The following HPS5 variants were observed in gnomAD, a reference collection of about 807,000 sequenced individuals.
The protein encoded by HPS5 is BLOC-2 complex member HPS5.
HPS5 carries 83 observed loss-of-function variants against 128.0 expected under a neutral mutation model. That is an observed-to-expected ratio of 0.65 (90% confidence interval 0.54 to 0.78). The LOEUF (loss-of-function observed/expected upper bound fraction) is 0.78, where lower values mean the gene tolerates loss of function less well. Ranked by LOEUF, HPS5 falls within the 30% of genes least tolerant of loss-of-function variation. HPS5 has a pLI of 0.00. For synonymous variants in HPS5, 475 were observed against 470.2 expected (o/e 1.01, Z -0.13); for missense variants, 1,281 against 1,326.2 (o/e 0.97, Z 0.53).
At position 18,311,511 on chromosome 11, in the gene HPS5, A is replaced by T. The variant is rs202173667; in HGVS notation, c.220-60T>A. The T allele has an allele frequency of 0.045, 23,726 of 530,700 alleles. 797 individuals are homozygous for T. Among genetic ancestry groups the T allele is most frequent in the African/African-American group, 0.099 (4,400 of 44,578 alleles). The allele number at this position is 530,700 out of a possible 1,614,324, so 32.9% of individuals were successfully genotyped here. A position where few individuals can be genotyped will look rare whatever the true frequency, so the allele number is the denominator to read the frequency against. ...CAAGTTTTACATTATTATTATTATT[A>T]TTTTTTTTTTTTTTTTTGAGACTGA... On this transcript the variant is annotated intron_variant, in intron 3 of 22. Coordinates refer to ENST00000349215, the MANE Select transcript of HPS5 (RefSeq NM_181507.2).
intron 5 of HPS5, 112 bp downstream of exon 5, chr11:18,310,629 G>A (rs1314304239): frequency 8.8e-6 from 8 of 908,542 alleles, no homozygotes; most frequent in African/African-American, 5.0e-5. Context: ...TTTGGACTCC[G>A]GATTAGTCTC....
intron 2 of HPS5, among the ~76,000 whole-genome samples, chr11:18,312,962 G>GA (rs917470096): frequency 2.0e-5 from 3 of 152,172 alleles, no homozygotes; most frequent in Admixed American, 1.3e-4. Flanking sequence ...ATTTGCAGCT[G>GA]AAAAAATGTC....
chr11:18,292,049 T>C, intron 15 of HPS5, 30 bp from the exon 16 acceptor site: 4 of 1,542,038 alleles, frequency 2.6e-6, no homozygotes, highest in Non-Finnish European at 3.6e-6. Flanking sequence ...ATGAAATTCA[T>C]GTGTCATGTG....
At chr11:18,311,837 G>A in intron 3 of HPS5, 77 bp downstream of exon 3, 3 of 1,014,534 alleles carry the variant, frequency 3.0e-6, no homozygotes, top group Non-Finnish European at 4.7e-6. Flanking sequence ...TATTCCAAAT[G>A]ATTATTTATA....
At chr11:18,288,059 G>A in intron 16 of HPS5, 46 bp from the exon 17 acceptor site, 1 of 1,604,040 alleles carries the variant, frequency 6.2e-7, no homozygotes, top group Non-Finnish European at 8.5e-7. Context: ...CTCTTAGGCG[G>A]AAATATTCAA....
At chr11:18,306,998 A>C (rs1364663034) in intron 6 of HPS5, among the ~76,000 whole-genome samples, 1 of 140,224 alleles carries the variant, frequency 7.1e-6, no homozygotes, top group African/African-American at 2.6e-5. Flanking sequence ...CCTCCTCAGA[A>C]ACTTATCATT....
intron 14 of HPS5, among the ~76,000 whole-genome samples, 200 bp downstream of exon 14, chr11:18,294,820 T>C (rs1860853524): frequency 6.7e-6 from 1 of 150,164 alleles, no homozygotes; most frequent in South Asian, 2.1e-4. Flanking sequence ...TAACAATAGC[T>C]GATGAGCTAT....
chr11:18,317,541 C>T (rs1325880436), intron 2 of HPS5, among the ~76,000 whole-genome samples: 2 of 152,162 alleles, frequency 1.3e-5, no homozygotes, highest in African/African-American at 4.8e-5. Context: ...CAGGTGTGAG[C>T]CACCACGCCC....
At chr11:18,309,854 T>A (rs542521735) in intron 5 of HPS5, among the ~76,000 whole-genome samples, 1 of 152,072 alleles carries the variant, frequency 6.6e-6, no homozygotes, top group East Asian at 1.9e-4. Context: ...TTTTAAAAAT[T>A]AGCCAGGCGT....
At chr11:18,311,272 T>C (rs968838492) in intron 4 of HPS5, 115 bp downstream of exon 4, 21 of 770,662 alleles carry the variant, frequency 2.7e-5, no homozygotes, top group Non-Finnish European at 4.7e-5. Context: ...GGAGTTTCAC[T>C]GTTAAAACCG....
At position 18,289,322 on chromosome 11, in the gene HPS5, G is replaced by C. The variant is rs114907445; in HGVS notation, c.2441-1309C>G. Among the ~76,000 whole-genome samples, 220 of 152,276 alleles carry C rather than the reference G, an allele frequency of 1.4e-3. 1 individual carries two copies. Among genetic ancestry groups the C allele is most frequent in the African/African-American group, 5.2e-3 (218 of 41,550 alleles). ...TGATGACTGCGCGGGAGCTAAACCA[G>C]ACATATCCACCTAAATTCAAGTAAG... On this transcript the variant is annotated intron_variant, in intron 16 of 22. Transcript: ENST00000349215.
chr11:18,302,365 C>G (rs1256914110), intron 8 of HPS5, among the ~76,000 whole-genome samples: 1 of 152,190 alleles, frequency 6.6e-6, no homozygotes, highest in Non-Finnish European at 1.5e-5. Flanking sequence ...CTAGCCACCT[C>G]TCAAGGATCA....
rs1490759456 is a variant in HPS5 at position 18,298,806 on chromosome 11, C to A, written c.1150G>T (p.Val384Phe). The change falls in exon 10 of 23, where the codon GTC becomes TTC. Residue 384 changes from valine (V) to phenylalanine (F), a missense_variant. Coordinates refer to ENST00000349215, the MANE Select transcript of HPS5 (RefSeq NM_181507.2). ...CTCTGACTCACTCTGCTGGCAATGA[C>A]AGAATTTTGGAAAAGACAGCATGTA... Reference protein sequence around the residue: ...ARTCCLFQNSVIASRARKTLT... With the variant: ...ARTCCLFQNSFIASRARKTLT... 6.2e-7 allele frequency: 1 copy of A among 1,614,140 alleles called. No homozygotes were observed. The highest frequency in any genetic ancestry group is 2.2e-5 in the East Asian group (1 of 44,878).
rs764567111 is a variant in HPS5 at position 18,287,566 on chromosome 11, T to C, written c.2686A>G (p.Ser896Gly). ...HPAEFLAYLD[S>G]LVKSRPEDQR... ...TCTTCAGGCCTTGATTTCACCAGAC[T>C]GTCTAAATAGGCCAAAAACTCAGCA... Residue 896 changes from serine to glycine, a missense_variant, in exon 18 of 23, where the codon AGT becomes GGT. Coordinates refer to ENST00000349215, the MANE Select transcript of HPS5 (RefSeq NM_181507.2). 2 of 1,614,184 alleles carry C rather than the reference T, an allele frequency of 1.2e-6. No homozygotes were observed. The highest frequency in any genetic ancestry group is 1.7e-6 in the Non-Finnish European group (2 of 1,180,030).
At chr11:18,306,678 CCTA>C (rs1862411332) in intron 6 of HPS5, among the ~76,000 whole-genome samples, 1 of 152,196 alleles carries the variant, frequency 6.6e-6, no homozygotes, top group African/African-American at 2.4e-5. Context: ...ATCCTTGAAT[CCTA>C]CTAATTGCTT....
chr11:18,321,360 C>T (rs1042404762), intron 1 of HPS5, among the ~76,000 whole-genome samples: 3 of 152,120 alleles, frequency 2.0e-5, no homozygotes, highest in Non-Finnish European at 1.5e-5. Context: ...GGAATCTTCC[C>T]CCATTTACCA....
At chr11:18,320,577 C>G (rs1864204277) in intron 1 of HPS5, among the ~76,000 whole-genome samples, 1 of 152,212 alleles carries the variant, frequency 6.6e-6, no homozygotes, top group Non-Finnish European at 1.5e-5. Context: ...CTGTCTCTTT[C>G]CAAAACAATC....
chr11:18,286,808 A>G, intron 18 of HPS5, 98 bp from the exon 19 acceptor site: 1 of 1,453,930 alleles, frequency 6.9e-7, no homozygotes, highest in Admixed American at 1.8e-5. Context: ...AGAGATGAAT[A>G]TAGAAGAAGA....
intron 8 of HPS5, 32 bp downstream of exon 8, chr11:18,305,389 TC>T (rs771161257): frequency 1.8e-5 from 25 of 1,372,362 alleles, no homozygotes; most frequent in South Asian, 5.9e-5. Flanking sequence ...GTATTCTTTT[TC>T]CCCCCCAGAA....
Sources: gnomAD v4.1 joint callset for allele counts (sites outside exome capture counted in the v4.1 genomes callset) on GRCh38, gnomAD v4.1.1 for gene constraint, MANE v1.5 for transcripts, NCBI Gene and HGNC (gene_info 2026-07-23, HGNC 2026-07-21) for gene names.